The following CWH43 variants were observed in gnomAD, a reference collection of about 807,000 sequenced individuals.
CWH43 encodes cell wall biogenesis 43 C-terminal homolog.
CWH43 carries 91 observed loss-of-function variants against 85.7 expected under a neutral mutation model. The ratio of observed to expected loss-of-function variants is 1.06; its 90% CI spans 0.90 to 1.26. The LOEUF (loss-of-function observed/expected upper bound fraction) is 1.26, where lower values mean the gene tolerates loss of function less well. Among genes scored for constraint, CWH43 ranks in the 50% most tolerant of loss-of-function variants. The pLI is 0.00. For missense variants in CWH43, 869 were observed against 839.2 expected (o/e 1.04, Z -0.44); for synonymous variants, 323 against 293.6 (o/e 1.10, Z -1.02).
intron 8 of CWH43, among the ~76,000 whole-genome samples, chr4:49,009,850 T>G (rs1269047910): frequency 1.3e-5 from 2 of 152,120 alleles, no homozygotes; most frequent in Non-Finnish European, 1.5e-5. Flanking sequence ...TGGATAAGCT[T>G]TTTGATGTGC....
chr4:49,027,982 T>C (rs1783970604), intron 9 of CWH43, among the ~76,000 whole-genome samples: 1 of 152,134 alleles, frequency 6.6e-6, no homozygotes, highest in Non-Finnish European at 1.5e-5. Flanking sequence ...TGTTACATCA[T>C]TCATAACTAG....
intron 12 of CWH43, among the ~76,000 whole-genome samples, chr4:49,036,867 G>A (rs1339472723): frequency 6.6e-6 from 1 of 152,116 alleles, no homozygotes; most frequent in Non-Finnish European, 1.5e-5. Context: ...GCTCTTCTTT[G>A]TATGGTCCCA....
chr4:48,986,514 C>T (rs1348834573), intron 1 of CWH43, 42 bp downstream of exon 1: 4 of 1,549,802 alleles, frequency 2.6e-6, no homozygotes, highest in Admixed American at 3.9e-5. Context: ...GGTGCCAGCT[C>T]CCCGGGCCAT....
chr4:49,021,405 G>A (rs1395336665), intron 9 of CWH43, among the ~76,000 whole-genome samples: 7 of 152,116 alleles, frequency 4.6e-5, no homozygotes, highest in African/African-American at 7.2e-5. Flanking sequence ...TGTTCCATTG[G>A]TCTATATGCC....
In CWH43 at chr4:49,044,777, C is replaced by T. The variant is rs371830499; in HGVS notation, c.1804-9C>T. ...TGCTTTAAACATTCTCCTCTCTGCT[C>T]TTTATTAGGATATCGACAGCACTGA... is the stretch of plus-strand genomic sequence containing the variant. On this transcript the variant is annotated splice_polypyrimidine_tract_variant and intron_variant, in intron 13 of 15. Coordinates refer to ENST00000226432, the MANE Select transcript of CWH43 (RefSeq NM_025087.3). 2.5e-5 allele frequency: 41 copies of T among 1,609,852 alleles called. No homozygotes were observed. Among genetic ancestry groups the T allele is most frequent in the Non-Finnish European group, 3.3e-5 (39 of 1,177,756 alleles).
At chr4:48,991,673 C>CAT in intron 3 of CWH43, 99 bp downstream of exon 3, 5 of 1,367,048 alleles carry the variant, frequency 3.7e-6, no homozygotes, top group Non-Finnish European at 5.0e-6. Context: ...TTTTACCTTC[C>CAT]ATATGGCTTT....
At chr4:49,039,590 C>T (rs890215872) in intron 13 of CWH43, among the ~76,000 whole-genome samples, 7 of 150,198 alleles carry the variant, frequency 4.7e-5, no homozygotes, top group African/African-American at 7.3e-5. Flanking sequence ...AAATCTTATC[C>T]GTCTTATGTT....
rs374984642 is a variant in CWH43, at chr4:49,028,097, C to CT, written c.1267-525dup. Among the ~76,000 whole-genome samples the CT allele has an allele frequency of 3.1e-3, 466 of 152,218 alleles. 2 individuals carry two copies. Among genetic ancestry groups the CT allele is most frequent in the African/African-American group, 0.01 (435 of 41,526 alleles). ...GTAAACACTATCCTGAGTATTGTGACTTTTTTTAGCACTTTCATGAATTCC... is the reference window on the plus strand; with the variant it reads ...GTAAACACTATCCTGAGTATTGTGACTTTTTTTTAGCACTTTCATGAATTCC... On this transcript the variant is annotated intron_variant, in intron 9 of 15. Coordinates refer to ENST00000226432, the MANE Select transcript of CWH43 (RefSeq NM_025087.3).
chr4:49,049,503 G>A (rs1440260314), intron 14 of CWH43, among the ~76,000 whole-genome samples: 1 of 151,434 alleles, frequency 6.6e-6, no homozygotes, highest in Non-Finnish European at 1.5e-5. Context: ...CCCCTCTGAT[G>A]GATTCTTATC....
intron 9 of CWH43, among the ~76,000 whole-genome samples, chr4:49,026,790 G>A (rs1783930343): frequency 6.6e-6 from 1 of 152,118 alleles, no homozygotes. Flanking sequence ...GTCATTGGTC[G>A]ATGGGCACTT....
chr4:48,997,353 C>T (rs143204705), intron 5 of CWH43, among the ~76,000 whole-genome samples: 53 of 152,172 alleles, frequency 3.5e-4, no homozygotes, highest in African/African-American at 1.2e-3. Flanking sequence ...GTCACTGTGC[C>T]TGGCCCTATC....
rs781713657 is a variant in CWH43 at position 49,049,295 on chromosome 4, G to A, written c.1866-1399G>A. 7.2e-5 allele frequency among the ~76,000 whole-genome samples: 11 copies of A among 152,092 alleles called. 1 individual carries two copies. The highest frequency in any genetic ancestry group is 1.2e-4 in the Non-Finnish European group (8 of 67,990). Reference sequence around the variant, plus strand: ...TGCTGCTTCTGCTGGTCCTGCTCTGGGTTTCTGTTTCTATTTTGCATGGAG... The same window carrying A: ...TGCTGCTTCTGCTGGTCCTGCTCTGAGTTTCTGTTTCTATTTTGCATGGAG... On this transcript the variant is annotated intron_variant, in intron 14 of 15. Transcript: ENST00000226432.
In CWH43 at chr4:48,996,298, T is replaced by TACAC. The variant is rs36210509; in HGVS notation, c.713+1508_713+1511dup. 2.1e-3 allele frequency among the ~76,000 whole-genome samples: 313 copies of TACAC among 150,000 alleles called. 4 individuals are homozygous for TACAC. Among genetic ancestry groups the TACAC allele is most frequent in the African/African-American group, 6.0e-3 (243 of 40,520 alleles). Reference sequence around the variant, plus strand: ...TTTTTATATATGTGTTATATATGTGTACACACACACACACACACACACACA... The same window carrying TACAC: ...TTTTTATATATGTGTTATATATGTGTACACACACACACACACACACACACACACA... On this transcript the variant is annotated intron_variant, in intron 5 of 15. Transcript: ENST00000226432.
intron 11 of CWH43, among the ~76,000 whole-genome samples, chr4:49,031,600 G>A (rs1784101460): frequency 6.6e-6 from 1 of 152,166 alleles, no homozygotes; most frequent in Non-Finnish European, 1.5e-5. Context: ...GTGATTGGAA[G>A]CCACTGGAGG....
intron 1 of CWH43, among the ~76,000 whole-genome samples, chr4:48,988,027 G>C (rs1782545628): frequency 6.6e-6 from 1 of 152,150 alleles, no homozygotes; most frequent in Non-Finnish European, 1.5e-5. Flanking sequence ...TTAATAAAGA[G>C]ACTGTCTACA....
chr4:49,010,310 A>G (rs1272601736), intron 8 of CWH43, among the ~76,000 whole-genome samples: 3 of 152,112 alleles, frequency 2.0e-5, no homozygotes, highest in African/African-American at 7.2e-5. Context: ...TTTCTGTGGG[A>G]TTGAAGGTGA....
At chr4:49,056,435 A>C (rs1015104252) in intron 15 of CWH43, among the ~76,000 whole-genome samples, 1 of 152,008 alleles carries the variant, frequency 6.6e-6, no homozygotes, top group Non-Finnish European at 1.5e-5. Flanking sequence ...TCTTTCTTTT[A>C]GGCTATCCAA....
chr4:49,058,962 A>ATATTTGGGAGT (rs1256861574), intron 15 of CWH43, among the ~76,000 whole-genome samples: 1 of 152,124 alleles, frequency 6.6e-6, no homozygotes, highest in East Asian at 1.9e-4. Context: ...TATATTTAAT[A>ATATTTGGGAGT]TATTTGGGAG....
intron 15 of CWH43, among the ~76,000 whole-genome samples, chr4:49,059,310 G>T (rs575397394): frequency 6.6e-6 from 1 of 151,976 alleles, no homozygotes; most frequent in East Asian, 1.9e-4. Context: ...GTTCTTTTTT[G>T]TGATTTCTAT....
Sources: allele counts gnomAD v4.1 joint callset (sites outside exome capture counted in the v4.1 genomes callset), GRCh38; gene constraint gnomAD v4.1.1; transcripts MANE v1.5; gene names NCBI Gene and HGNC (gene_info 2026-07-23, HGNC 2026-07-21).